The following NPAS3 variants were observed in gnomAD, a reference collection of about 807,000 sequenced individuals.
The protein encoded by NPAS3 is neuronal PAS domain protein 3.
NPAS3 carries 14 observed loss-of-function variants against 73.1 expected under a neutral mutation model. That is an observed-to-expected ratio of 0.19 (90% CI 0.13 to 0.30). The LOEUF (loss-of-function observed/expected upper bound fraction) is 0.30, where lower values mean the gene tolerates loss of function less well. NPAS3 is among the 10% of genes least tolerant of loss of function. The pLI, the probability that NPAS3 is intolerant of heterozygous loss-of-function variation, is 1.00. For missense variants in NPAS3, 1,096 were observed against 1,250.0 expected (o/e 0.88, Z 1.86); for synonymous variants, 620 against 541.5 (o/e 1.14, Z -2.01).
chr14:32,949,912 A>C (rs1488445688), intron 1 of NPAS3, among the ~76,000 whole-genome samples: 1 of 152,074 alleles, frequency 6.6e-6, no homozygotes, highest in Non-Finnish European at 1.5e-5. Flanking sequence ...CTTACATTCT[A>C]GAATGTTTTA....
chr14:33,516,501 A>T (rs563291439), intron 4 of NPAS3, among the ~76,000 whole-genome samples: 1 of 152,278 alleles, frequency 6.6e-6, no homozygotes, highest in South Asian at 2.1e-4. Flanking sequence ...AAATATAACT[A>T]AGTGTAGAGA....
intron 2 of NPAS3, among the ~76,000 whole-genome samples, chr14:33,099,280 T>G (rs2042514123): frequency 6.6e-6 from 1 of 152,174 alleles, no homozygotes; most frequent in African/African-American, 2.4e-5. Context: ...GATACTAAAT[T>G]TGAGGACATA....
At chr14:33,272,818 T>G (rs982374285) in intron 3 of NPAS3, among the ~76,000 whole-genome samples, 1 of 152,196 alleles carries the variant, frequency 6.6e-6, no homozygotes, top group Non-Finnish European at 1.5e-5. Flanking sequence ...GCAGTTACTT[T>G]GGGAGAAACA....
In NPAS3 at chr14:33,617,581, T is replaced by C. The variant is rs74880599; in HGVS notation, c.558+57371T>C. Among the ~76,000 whole-genome samples, 146 of 152,356 alleles carry C rather than the reference T, an allele frequency of 9.6e-4. 3 individuals carry two copies. In the East Asian group the frequency reaches 0.026, roughly 27 times the overall value. Reference sequence around the variant, plus strand: ...AAATAAACATGGCATATTTGCTTTATGCCCATCGGAAGTAATGTACACTCC... The same window carrying C: ...AAATAAACATGGCATATTTGCTTTACGCCCATCGGAAGTAATGTACACTCC... On this transcript the variant is annotated intron_variant, in intron 5 of 11. Coordinates refer to ENST00000356141, the Ensembl canonical transcript of NPAS3.
chr14:33,695,705 T>G (rs1436627097), intron 6 of NPAS3, among the ~76,000 whole-genome samples: 1 of 152,200 alleles, frequency 6.6e-6, no homozygotes, highest in African/African-American at 2.4e-5. Context: ...TTCTGACTTG[T>G]GAGAGCTACA....
chr14:33,505,777 T>G (rs2052729186), intron 4 of NPAS3, among the ~76,000 whole-genome samples: 1 of 151,976 alleles, frequency 6.6e-6, no homozygotes, highest in Non-Finnish European at 1.5e-5. Flanking sequence ...TCAAATGCCC[T>G]GATGTCCATT....
At chr14:33,259,860 T>C (rs1283191492) in intron 3 of NPAS3, among the ~76,000 whole-genome samples, 1 of 119,454 alleles carries the variant, frequency 8.4e-6, no homozygotes, top group Non-Finnish European at 1.9e-5. Flanking sequence ...GCAGCATCTT[T>C]TTTTTTTTTT....
intron 4 of NPAS3, among the ~76,000 whole-genome samples, chr14:33,518,376 T>C (rs539871921): frequency 6.6e-6 from 1 of 152,078 alleles, no homozygotes; most frequent in African/African-American, 2.4e-5. Context: ...AATAATTGAA[T>C]CTGATAATAG....
At chr14:33,424,605 G>T (rs1259945215) in intron 4 of NPAS3, among the ~76,000 whole-genome samples, 3 of 151,926 alleles carry the variant, frequency 2.0e-5, no homozygotes, top group African/African-American at 7.2e-5. Context: ...TATAATTTAT[G>T]ACTGATTGGA....
chr14:32,988,358 C>G (rs2038179594), intron 1 of NPAS3, among the ~76,000 whole-genome samples: 1 of 152,028 alleles, frequency 6.6e-6, no homozygotes, highest in South Asian at 2.1e-4. Context: ...CTCAGTAAAA[C>G]TAAATTATAA....
chr14:32,940,665 G>A (rs534834192), intron 1 of NPAS3, among the ~76,000 whole-genome samples: 1 of 152,322 alleles, frequency 6.6e-6, no homozygotes, highest in Admixed American at 6.5e-5. Flanking sequence ...GATGTGCTTA[G>A]TTGCAAGATT....
intron 1 of NPAS3, among the ~76,000 whole-genome samples, chr14:32,982,545 AC>A (rs2037940721): frequency 1.3e-5 from 2 of 152,098 alleles, no homozygotes; most frequent in Non-Finnish European, 2.9e-5. Flanking sequence ...TCTCATCTCT[AC>A]GAAAAGAAAA....
Position 33,326,008 on chromosome 14 carries a change from T to C in NPAS3, c.386-41178T>C, listed in dbSNP as rs74042037. On this transcript the variant is annotated intron_variant, in intron 3 of 11. Coordinates refer to ENST00000356141, the Ensembl canonical transcript of NPAS3. ...AATAGGATGGAAACTTCTGTTTTAT[T>C]TGTTATGGTGGTTAGAAAATAAGAC... Among the ~76,000 whole-genome samples the C allele has an allele frequency of 5.8e-3, 880 of 152,322 alleles. 10 individuals carry two copies. The highest frequency in any genetic ancestry group is 0.02 in the African/African-American group (841 of 41,580).
intron 3 of NPAS3, among the ~76,000 whole-genome samples, chr14:33,337,545 T>A (rs1555376263): frequency 6.6e-6 from 1 of 152,006 alleles, no homozygotes; most frequent in Non-Finnish European, 1.5e-5. Flanking sequence ...TTGTTCTTTT[T>A]AAAAATTGCT....
rs555719395 is a variant in NPAS3, at chr14:33,491,243, G to GT, written c.469-68866dup. Reference sequence around the variant, plus strand: ...TTCTTATGAGAGATGAACATTTAAAGTTTTTTTTTTTTCTCAAAGCCTAAT... The same window carrying GT: ...TTCTTATGAGAGATGAACATTTAAAGTTTTTTTTTTTTTCTCAAAGCCTAAT... On this transcript the variant is annotated intron_variant, in intron 4 of 11. Coordinates refer to ENST00000356141, the Ensembl canonical transcript of NPAS3. Among the ~76,000 whole-genome samples the GT allele has an allele frequency of 2.5e-3, 374 of 146,854 alleles. 2 individuals carry two copies. The highest frequency in any genetic ancestry group is 7.1e-3 in the Middle Eastern group (2 of 282).
At chr14:33,632,647 T>C (rs947376824) in intron 5 of NPAS3, among the ~76,000 whole-genome samples, 1 of 152,172 alleles carries the variant, frequency 6.6e-6, no homozygotes, top group Non-Finnish European at 1.5e-5. Context: ...CCAAGTCCAG[T>C]TCGTAATGCA....
chr14:33,589,402 C>G (rs1021429772), intron 5 of NPAS3, among the ~76,000 whole-genome samples: 1 of 152,204 alleles, frequency 6.6e-6, no homozygotes, highest in Non-Finnish European at 1.5e-5. Context: ...TCCCTTCAGA[C>G]AGCAACCTTC....
chr14:33,746,626 C>T (rs898695634), intron 7 of NPAS3, among the ~76,000 whole-genome samples: 1 of 151,484 alleles, frequency 6.6e-6, no homozygotes, highest in Admixed American at 6.6e-5. Flanking sequence ...TATGGTTGCA[C>T]ACAGCAACTC....
intron 5 of NPAS3, among the ~76,000 whole-genome samples, chr14:33,568,401 A>G (rs2139805262): frequency 6.6e-6 from 1 of 152,308 alleles, no homozygotes; most frequent in South Asian, 2.1e-4. Flanking sequence ...ATATGGTATT[A>G]ATTTAATGGC....
Sources: gnomAD v4.1 joint callset for allele counts (sites outside exome capture counted in the v4.1 genomes callset) on GRCh38, gnomAD v4.1.1 for gene constraint, MANE v1.5 for transcripts, NCBI Gene and HGNC (gene_info 2026-07-23, HGNC 2026-07-21) for gene names.